The following FRMPD4 variants were observed in gnomAD, a reference collection of about 807,000 sequenced individuals.
FRMPD4 encodes FERM and PDZ domain containing 4.
A neutral mutation model predicts 94.1 loss-of-function variants in FRMPD4; 22 were observed. That is an observed-to-expected ratio of 0.23 (90% CI 0.17 to 0.33). The LOEUF is 0.33. Among genes scored for constraint, FRMPD4 ranks in the 10% least tolerant of loss-of-function variants. The pLI, the probability that FRMPD4 is intolerant of heterozygous loss-of-function variation, is 1.00. For missense variants in FRMPD4, 1,111 were observed against 1,339.9 expected (o/e 0.83, Z 2.67); for synonymous variants, 631 against 548.6 (o/e 1.15, Z -2.10).
intron 1 of FRMPD4, among the ~76,000 whole-genome samples, chrX:12,358,991 C>T (rs759649479): frequency 1.8e-5 from 2 of 112,163 alleles, no homozygotes; most frequent in African/African-American, 6.5e-5. Flanking sequence ...TGAAGGGAAG[C>T]ACTGTCTTTT....
At position 12,491,447 on chromosome X, in the gene FRMPD4, C is replaced by A. The variant is rs149419479; in HGVS notation, c.42-7233C>A. Among the ~76,000 whole-genome samples the A allele has an allele frequency of 5.8e-4, 65 of 111,797 alleles. No individual in the cohort carries two copies. In the East Asian group the frequency reaches 0.015, roughly 27 times the overall value. ...CCAACTTTGTTCATTTAACTACATC[C>A]TATGGCAGTCGGTCTTCATCTACAA... On this transcript the variant is annotated intron_variant, in intron 1 of 16. Transcript: ENST00000675598.
At chrX:12,553,636 C>T (rs1319793158) in intron 2 of FRMPD4, among the ~76,000 whole-genome samples, 5 of 107,490 alleles carry the variant, frequency 4.7e-5, no homozygotes, top group Admixed American at 2.0e-4. Context: ...CCAAACAAGG[C>T]GAGGTCCTGC....
At chrX:12,441,550 A>ATGAT (rs939591817) in intron 1 of FRMPD4, among the ~76,000 whole-genome samples, 87 of 111,853 alleles carry the variant, frequency 7.8e-4, no homozygotes, top group African/African-American at 2.8e-3. Context: ...AGGATGCAAA[A>ATGAT]TGATAGGCAG....
At chrX:12,674,950 GCTTCTTGTTTCTT>G (rs1236069330) in intron 5 of FRMPD4, 42 bp downstream of exon 5, 1 of 881,413 alleles carries the variant, frequency 1.1e-6, no homozygotes, top group Non-Finnish European at 1.7e-6. Flanking sequence ...ATGTTCTCAG[GCTTCTTGTTTCTT>G]CTGCCCACTC....
At chrX:11,871,769 T>C (rs2053757772) in intron 2 of FRMPD4, among the ~76,000 whole-genome samples, 1 of 111,740 alleles carries the variant, frequency 8.9e-6, no homozygotes, top group Admixed American at 9.5e-5. Context: ...GGGATGAAGC[T>C]GGATCAAGAA....
chrX:12,609,524 G>A (rs984993486), intron 2 of FRMPD4, among the ~76,000 whole-genome samples, 197 bp from the exon 3 acceptor site: 17 of 112,019 alleles, frequency 1.5e-4, no homozygotes, highest in Admixed American at 1.3e-3. Context: ...TTCCAGGTTC[G>A]AGGAACAGCC....
rs763561506 is a variant in FRMPD4 at position 12,532,904 on chromosome X, G to A, written c.158+34108G>A. On this transcript the variant is annotated intron_variant, in intron 2 of 16. Coordinates refer to ENST00000675598, the MANE Select transcript of FRMPD4 (RefSeq NM_001368397.1). ...AGAGTGCTAAGATTGAGAAACCTGC[G>A]ACAGCCTTTTAAAAATATTATTTTG... Among the ~76,000 whole-genome samples, 3 of 112,377 alleles carry A rather than the reference G, an allele frequency of 2.7e-5. No individual in the cohort carries two copies. In the South Asian group the frequency reaches 1.1e-3, roughly 42 times the overall value.
In FRMPD4 at chrX:12,721,210, C is replaced by A; in HGVS notation, c.4641C>A (p.Cys1547Ter). Residue 1547 changes from cysteine to a stop codon, truncating the protein, a stop_gained, in exon 17 of 17, where the codon TGC becomes TGA. Transcript: ENST00000675598. LOFTEE classifies it high-confidence loss of function. ...TQAMPEPSSP[C>*]LAVAIQKQRG... is the part of the protein sequence containing the mutation. ...CCATGCCAGAACCAAGCAGCCCATG[C>A]CTGGCTGTGGCGATTCAGAAGCAAC... The A allele has an allele frequency of 1.3e-6, 1 of 756,051 alleles. No homozygotes were observed. The highest frequency in any genetic ancestry group is 2.3e-5 in the African/African-American group (1 of 43,800). 62.3% of individuals were successfully genotyped at this position (756,051 alleles called of 1,213,427 possible).
chrX:11,945,644 G>A (rs979864530), intron 3 of FRMPD4, among the ~76,000 whole-genome samples: 14 of 111,805 alleles, frequency 1.3e-4, no homozygotes, highest in African/African-American at 3.2e-4. Context: ...TGGTGGAAGG[G>A]TGAAGGAGGA....
intron 4 of FRMPD4, among the ~76,000 whole-genome samples, chrX:12,663,671 T>C (rs2059742910): frequency 8.9e-6 from 1 of 112,322 alleles, no homozygotes; most frequent in African/African-American, 3.2e-5. Context: ...CTTAGGATTG[T>C]CTTGGCTATA....
intron 3 of FRMPD4, among the ~76,000 whole-genome samples, chrX:12,093,177 G>A (rs970108713): frequency 9.0e-6 from 1 of 111,426 alleles, no homozygotes; most frequent in Non-Finnish European, 1.9e-5. Context: ...ATAGAATGTG[G>A]GGAAGATTGT....
intron 3 of FRMPD4, among the ~76,000 whole-genome samples, chrX:12,125,687 C>G (rs977968536): frequency 8.9e-6 from 1 of 111,970 alleles, no homozygotes; most frequent in Non-Finnish European, 1.9e-5. Context: ...AGATTTACAT[C>G]CTTTGGTTTC....
intron 3 of FRMPD4, among the ~76,000 whole-genome samples, chrX:11,916,727 C>T (rs2054026858): frequency 9.0e-6 from 1 of 111,535 alleles, no homozygotes. Flanking sequence ...TCTGGTTCTC[C>T]CTGTGGTAGG....
chrX:11,980,157 TA>T (rs375016131), intron 3 of FRMPD4, among the ~76,000 whole-genome samples: 1 of 111,924 alleles, frequency 8.9e-6, no homozygotes, highest in Non-Finnish European at 1.9e-5. Flanking sequence ...TTTAAAACAT[TA>T]AAAAAACTTG....
intron 2 of FRMPD4, among the ~76,000 whole-genome samples, chrX:11,870,097 T>G (rs956180324): frequency 5.4e-5 from 6 of 111,950 alleles, no homozygotes; most frequent in African/African-American, 1.9e-4. Context: ...AATTCAGGCA[T>G]TCTGTCTTTC....
chrX:12,604,531 GTTGGGC>G (rs2059112855), intron 2 of FRMPD4, among the ~76,000 whole-genome samples: 1 of 112,049 alleles, frequency 8.9e-6, no homozygotes, highest in South Asian at 3.7e-4. Context: ...TACTAAGAAA[GTTGGGC>G]TGCAAGTATT....
intron 1 of FRMPD4, among the ~76,000 whole-genome samples, chrX:12,420,175 T>C (rs1328137130): frequency 8.9e-6 from 1 of 111,820 alleles, no homozygotes; most frequent in Non-Finnish European, 1.9e-5. Flanking sequence ...TACCAGAAGT[T>C]TGGAAACCAT....
At chrX:12,373,663 C>T (rs1569250788) in intron 1 of FRMPD4, among the ~76,000 whole-genome samples, 1 of 111,977 alleles carries the variant, frequency 8.9e-6, no homozygotes, top group Non-Finnish European at 1.9e-5. Flanking sequence ...AGCCAATAAT[C>T]CAAAGCCCAA....
chrX:12,669,081 G>C (rs1244411752), intron 4 of FRMPD4, among the ~76,000 whole-genome samples: 2 of 111,578 alleles, frequency 1.8e-5, no homozygotes, highest in Non-Finnish European at 3.8e-5. Flanking sequence ...AATAAAATGT[G>C]GTAAAGGTGA....
Sources: allele counts gnomAD v4.1 joint callset (sites outside exome capture counted in the v4.1 genomes callset), GRCh38; gene constraint gnomAD v4.1.1; transcripts MANE v1.5; gene names NCBI Gene and HGNC (gene_info 2026-07-23, HGNC 2026-07-21).